BCO1: variants seen among roughly 807,000 people sequenced by gnomAD.
BCO1 encodes beta,beta-carotene 15,15'-dioxygenase.
In BCO1, 54 loss-of-function variants were observed where a neutral mutation model predicts 56.3. The ratio of observed to expected loss-of-function variants is 0.96; its 90% CI spans 0.77 to 1.20. The LOEUF (loss-of-function observed/expected upper bound fraction) is 1.20, where lower values mean the gene tolerates loss of function less well. BCO1 is among the 50% of genes most tolerant of loss of function. The pLI, the probability that BCO1 is intolerant of heterozygous loss-of-function variation, is 0.00. For missense variants in BCO1, 801 were observed against 690.9 expected, an observed-to-expected ratio of 1.16 and a Z score of -1.79; for synonymous variants, 318 against 266.1, an observed-to-expected ratio of 1.20 and a Z score of -1.90.
At chr16:81,273,507 C>G (rs1907366618) in intron 7 of BCO1, among the ~76,000 whole-genome samples, 2 of 152,146 alleles carry the variant, frequency 1.3e-5, no homozygotes, top group Non-Finnish European at 2.9e-5. Flanking sequence ...GGCGTTTGAA[C>G]TGAGGTTTGT....
At chr16:81,254,371 G>A (rs1276811688) in intron 2 of BCO1, among the ~76,000 whole-genome samples, 2 of 134,972 alleles carry the variant, frequency 1.5e-5, no homozygotes, top group East Asian at 2.2e-4. Flanking sequence ...GGCTGGTCTC[G>A]AACTCCTGAC....
intron 1 of BCO1, among the ~76,000 whole-genome samples, chr16:81,243,683 T>A (rs563358143): frequency 6.6e-6 from 1 of 152,262 alleles, no homozygotes; most frequent in South Asian, 2.1e-4. Flanking sequence ...TGGCCAGGCT[T>A]GTCTCCAGCT....
chr16:81,269,506 C>T (rs369707369), intron 6 of BCO1, among the ~76,000 whole-genome samples: 9 of 152,136 alleles, frequency 5.9e-5, no homozygotes, highest in African/African-American at 1.2e-4. Context: ...CCATGCTTGT[C>T]GCCTAGGCTG....
chr16:81,275,488 T>C (rs1250758883), intron 7 of BCO1, among the ~76,000 whole-genome samples: 1 of 152,230 alleles, frequency 6.6e-6, no homozygotes, highest in Non-Finnish European at 1.5e-5. Flanking sequence ...GCCTTGTAAC[T>C]CTTTGTCAAC....
chr16:81,287,423 C>G lies in BCO1; in HGVS notation c.1414+17C>G, dbSNP rs750046866. ...AGGATGACGGTAAGACTCTAAGAAG[C>G]CACGCCTAGTTGCTGCACGTTACTG... On this transcript the variant is annotated intron_variant, in intron 10 of 10. Transcript: ENST00000258168. The G allele has an allele frequency of 3.2e-5, 51 of 1,596,194 alleles. 1 individual carries two copies. In the South Asian group the frequency reaches 5.5e-4, roughly 17 times the overall value.
intron 7 of BCO1, among the ~76,000 whole-genome samples, chr16:81,271,193 C>A (rs940102478): frequency 1.3e-5 from 2 of 152,184 alleles, no homozygotes; most frequent in South Asian, 2.1e-4. Flanking sequence ...AAGCTCACTG[C>A]AACCTCTGCC....
chr16:81,245,656 C>A (rs1251875523), intron 2 of BCO1, 53 bp downstream of exon 2: 1 of 1,610,868 alleles, frequency 6.2e-7, no homozygotes, highest in African/African-American at 1.3e-5. Flanking sequence ...ACCCCAAATG[C>A]AGTGCCTTAA....
chr16:81,267,804 G>T, intron 5 of BCO1, 104 bp from the exon 6 acceptor site: 1 of 971,312 alleles, frequency 1.0e-6, no homozygotes, highest in Non-Finnish European at 1.6e-6. Context: ...TTAATGTAAA[G>T]GTTTTTTTCA....
intron 2 of BCO1, among the ~76,000 whole-genome samples, chr16:81,256,146 C>G (rs2151933477): frequency 6.6e-6 from 1 of 150,990 alleles, no homozygotes; most frequent in African/African-American, 2.4e-5. Flanking sequence ...GAATGCATTT[C>G]TGGTTGGAGT....
At position 81,280,951 on chromosome 16, in the gene BCO1, T is replaced by G. The variant is rs1405692032; in HGVS notation, c.1196T>G (p.Phe399Cys). Reference sequence around the variant, plus strand: ...GGCCAAGTCTACTGCCAGCCGGAATTTCTTTATGAAGGTAAAATGCATCCT... The same window carrying G: ...GGCCAAGTCTACTGCCAGCCGGAATGTCTTTATGAAGGTAAAATGCATCCT... ...EDGQVYCQPE[F>C]LYEGLELPRV... Residue 399 changes from phenylalanine to cysteine, a missense_variant, in exon 8 of 11, where the codon TTT becomes TGT. By Grantham distance (205) the Phe-to-Cys change is radical. Transcript: ENST00000258168. 1 of 1,613,512 alleles carries G rather than the reference T, an allele frequency of 6.2e-7. No homozygotes were observed. The highest frequency in any genetic ancestry group is 8.5e-7 in the Non-Finnish European group (1 of 1,179,578).
At chr16:81,258,740 C>T (rs1906300521) in intron 2 of BCO1, among the ~76,000 whole-genome samples, 1 of 152,204 alleles carries the variant, frequency 6.6e-6, no homozygotes, top group Non-Finnish European at 1.5e-5. Flanking sequence ...ACATATTTTG[C>T]ATTATCACAT....
chr16:81,269,309 T>A lies in BCO1; in HGVS notation c.844-850T>A, dbSNP rs1366223639. Among the ~76,000 whole-genome samples the A allele has an allele frequency of 1.1e-4, 16 of 150,900 alleles. No individual in the cohort carries two copies. The South Asian group carries it at 1.9e-3, about 18-fold the overall frequency. ...GTGCACTTTTAGTTTTTCTTTTTTTTTTTTTTCAGATAGAGTCTCACTCTG... is the reference window on the plus strand; with the variant it reads ...GTGCACTTTTAGTTTTTCTTTTTTTATTTTTTCAGATAGAGTCTCACTCTG... On this transcript the variant is annotated intron_variant, in intron 6 of 10. Coordinates refer to ENST00000258168, the MANE Select transcript of BCO1 (RefSeq NM_017429.3).
At chr16:81,247,478 C>T (rs190872589) in intron 2 of BCO1, among the ~76,000 whole-genome samples, 4 of 152,204 alleles carry the variant, frequency 2.6e-5, no homozygotes, top group Non-Finnish European at 4.4e-5. Flanking sequence ...ATCTGTGCAA[C>T]ATAGTGAGAC....
At position 81,279,145 on chromosome 16, in the gene BCO1, C is replaced by T. The variant is rs547224890; in HGVS notation, c.1102-1712C>T. Among the ~76,000 whole-genome samples, 397 of 152,124 alleles carry T rather than the reference C, an allele frequency of 2.6e-3. 2 individuals carry two copies. The highest frequency in any genetic ancestry group is 4.4e-3 in the Non-Finnish European group (298 of 68,000). ...TACAAAAATTAACCAAGGATGGTGA[C>T]GCATGCCCGTAGTCCCCCAGCTACT... On this transcript the variant is annotated intron_variant, in intron 7 of 10. Transcript: ENST00000258168.
At chr16:81,273,072 C>A (rs569200981) in intron 7 of BCO1, among the ~76,000 whole-genome samples, 1 of 152,176 alleles carries the variant, frequency 6.6e-6, no homozygotes, top group African/African-American at 2.4e-5. Context: ...TGGGTTCTAG[C>A]GATTCTCCTG....
chr16:81,259,026 A>G (rs1280150902), intron 2 of BCO1, among the ~76,000 whole-genome samples: 2 of 152,094 alleles, frequency 1.3e-5, no homozygotes, highest in Non-Finnish European at 2.9e-5. Flanking sequence ...CACCAGAACA[A>G]CACTAAGCCA....
intron 7 of BCO1, among the ~76,000 whole-genome samples, chr16:81,274,992 C>T (rs1907467299): frequency 6.6e-6 from 1 of 152,164 alleles, no homozygotes; most frequent in Admixed American, 6.5e-5. Context: ...TAGCTCCAGC[C>T]ACGCTTTTTA....
intron 10 of BCO1, among the ~76,000 whole-genome samples, chr16:81,289,106 A>G (rs1411017968): frequency 6.6e-6 from 1 of 152,110 alleles, no homozygotes; most frequent in Non-Finnish European, 1.5e-5. Context: ...AAGGTCACAC[A>G]CCCCTTACAT....
intron 5 of BCO1, 29 bp from the exon 6 acceptor site, chr16:81,267,879 T>C (rs768262008): frequency 1.9e-6 from 3 of 1,606,198 alleles, no homozygotes; most frequent in Non-Finnish European, 2.6e-6. Context: ...TCCTGCACAA[T>C]TCCTGAGGCT....
Sources: allele counts gnomAD v4.1 joint callset (sites outside exome capture counted in the v4.1 genomes callset), GRCh38; gene constraint gnomAD v4.1.1; transcripts MANE v1.5; gene names NCBI Gene and HGNC (gene_info 2026-07-23, HGNC 2026-07-21).